The following HSPA9 variants were observed in gnomAD, a reference collection of about 807,000 sequenced individuals.
The protein encoded by HSPA9 is stress-70 protein, mitochondrial.
A neutral mutation model predicts 81.5 loss-of-function variants in HSPA9; 28 were observed. The ratio of observed to expected loss-of-function variants is 0.34; its 90% CI spans 0.25 to 0.47. The LOEUF (loss-of-function observed/expected upper bound fraction) is 0.47, where lower values mean the gene tolerates loss of function less well. Ranked by LOEUF, HSPA9 falls within the 20% of genes least tolerant of loss-of-function variation. HSPA9 has a pLI of 1.00. For missense variants in HSPA9, 678 were observed against 838.0 expected, an observed-to-expected ratio of 0.81 and a Z score of 2.36; for synonymous variants, 293 against 290.4, an observed-to-expected ratio of 1.01 and a Z score of -0.09.
intron 4 of HSPA9, among the ~76,000 whole-genome samples, chr5:138,569,788 G>C (rs1750839029): frequency 2.0e-5 from 3 of 152,130 alleles, no homozygotes. Flanking sequence ...CTCAGCCTCA[G>C]ACAGTCTTTC....
Position 138,556,516 on chromosome 5 carries a change from A to G in HSPA9, c.1898T>C (p.Ile633Thr), listed in dbSNP as rs757761500. 5.0e-6 allele frequency: 8 copies of G among 1,614,084 alleles called. No homozygotes were observed. In the East Asian group the frequency reaches 1.3e-4, roughly 27 times the overall value. The change falls in exon 16 of 17, where the codon ATT becomes ACT. Residue 633 changes from isoleucine to threonine, a missense_variant. Ile to Thr is a moderately conservative substitution (Grantham distance 89). This residue lies in a region of HSPA9 where 100 missense variants were observed against 99.5 expected (regional missense o/e 1.00). Coordinates refer to ENST00000297185, the MANE Select transcript of HSPA9 (RefSeq NM_004134.7). ...ARKDSETGEN[I>T]RQAASSLQQA... ...CTGAAGAGAGGATGCTGCCTGTCTA[A>G]TATTTTCTCCTGTTTCGCTGTCTTT...
At chr5:138,569,624 A>G (rs1293388250) in intron 4 of HSPA9, among the ~76,000 whole-genome samples, 1 of 151,798 alleles carries the variant, frequency 6.6e-6, no homozygotes, top group Non-Finnish European at 1.5e-5. Flanking sequence ...AAGTGAAAGA[A>G]GCCAGTCATA....
chr5:138,556,766 G>A lies in HSPA9; in HGVS notation c.1821+8C>T. The A allele has an allele frequency of 6.2e-7, 1 of 1,602,412 alleles. No individual in the cohort carries two copies. The highest frequency in any genetic ancestry group is 2.2e-5 in the East Asian group (1 of 44,792). ...CAACCTCTTGAGTTACTTTAAAATA[G>A]AACTCACCTCATCAGCAGGTAATTG... On this transcript the variant is annotated splice_region_variant and intron_variant, in intron 15 of 16. Coordinates refer to ENST00000297185, the MANE Select transcript of HSPA9 (RefSeq NM_004134.7).
At chr5:138,560,908 A>AT (rs10652442) in intron 10 of HSPA9, 112,666 of 334,430 alleles carry the variant, frequency 0.34, 12,949 homozygotes, top group East Asian at 0.57. Flanking sequence ...TTCCAGGTTC[A>AT]TTTTTTTTTT....
chr5:138,561,902 G>C, intron 9 of HSPA9, 113 bp from the exon 10 acceptor site: 1 of 808,052 alleles, frequency 1.2e-6, no homozygotes, highest in Non-Finnish European at 2.2e-6. Context: ...CAAAACCAAA[G>C]GGAGGGTGAG....
intron 13 of HSPA9, 28 bp downstream of exon 13, chr5:138,557,829 CTCACCTCACTCT>C (rs755793935): frequency 4.0e-6 from 5 of 1,244,826 alleles, no homozygotes; most frequent in Non-Finnish European, 5.9e-6. Context: ...CAAGACCTCC[CTCACCTCACTCT>C]TAGGGTCTGA....
chr5:138,567,178 T>C lies in HSPA9; in HGVS notation c.717-15A>G. 1 of 1,543,634 alleles carries C rather than the reference T, an allele frequency of 6.5e-7. No individual in the cohort carries two copies. The highest frequency in any genetic ancestry group is 8.7e-7 in the Non-Finnish European group (1 of 1,154,804). On this transcript the variant is annotated splice_polypyrimidine_tract_variant and intron_variant, in intron 7 of 16. Coordinates refer to ENST00000297185, the MANE Select transcript of HSPA9 (RefSeq NM_004134.7). ...ATACAGCAATGCTGTAAATGATTTG[T>C]GAAAAAAAAAAGAAAAGAAATCCTT... is the stretch of plus-strand genomic sequence containing the variant.
At chr5:138,560,169 A>C (rs1201249289) in intron 10 of HSPA9, 78 bp from the exon 11 acceptor site, 2 of 967,014 alleles carry the variant, frequency 2.1e-6, no homozygotes, top group Admixed American at 3.9e-5. Context: ...CACGTGTCCT[A>C]CGCTCCCAGC....
chr5:138,560,626 TCTCCACTCACCGCAAG>T lies in HSPA9; in HGVS notation c.1183-551_1183-536del, dbSNP rs537881121. On this transcript the variant is annotated intron_variant, in intron 10 of 16. Coordinates refer to ENST00000297185, the MANE Select transcript of HSPA9 (RefSeq NM_004134.7). ...CTCAGGCTGGAGTGCGGTGGCGCAATCTCCACTCACCGCAAGCTCCACCTCCTGCGTTCACGCCATT... is the reference window on the plus strand; with the variant it reads ...CTCAGGCTGGAGTGCGGTGGCGCAATCTCCACCTCCTGCGTTCACGCCATT... 3.0e-3 allele frequency among the ~76,000 whole-genome samples: 449 copies of T among 151,214 alleles called. 4 individuals carry two copies. The highest frequency in any genetic ancestry group is 0.014 in the Middle Eastern group (4 of 290).
rs773446267 is a variant in HSPA9, at chr5:138,575,344, C to A, written c.-26G>T. 1.3e-6 allele frequency: 2 copies of A among 1,593,426 alleles called. No individual in the cohort carries two copies. The highest frequency in any genetic ancestry group is 1.1e-5 in the South Asian group (1 of 90,030). ...GGCGGATAAATGGAGGAGTACGAGG[C>A]AGCAAACAAGCGCTCCGACGGCAAA... On this transcript the variant is annotated 5_prime_UTR_variant, in exon 1 of 17. Coordinates refer to ENST00000297185, the MANE Select transcript of HSPA9 (RefSeq NM_004134.7).
At chr5:138,560,715 A>T in intron 10 of HSPA9, 1 of 237,336 alleles carries the variant, frequency 4.2e-6, no homozygotes, top group South Asian at 4.3e-5. Context: ...CGCCCACCAA[A>T]TTTTTTATAT....
At chr5:138,557,371 G>A (rs1750551078) in intron 14 of HSPA9, 31 bp downstream of exon 14, 5 of 1,437,498 alleles carry the variant, frequency 3.5e-6, no homozygotes, top group Non-Finnish European at 4.9e-6. Flanking sequence ...GCTTTACTAA[G>A]ATTAAAGTTC....
At chr5:138,556,650 A>G in intron 15 of HSPA9, 58 bp from the exon 16 acceptor site, 1 of 1,589,328 alleles carries the variant, frequency 6.3e-7, no homozygotes, top group Non-Finnish European at 8.6e-7. Flanking sequence ...CATTACAAGT[A>G]GAAGTACTAT....
Position 138,563,741 on chromosome 5 carries a change from C to T in HSPA9, c.973-1952G>A, listed in dbSNP as rs188867592. 2.0e-3 allele frequency among the ~76,000 whole-genome samples: 306 copies of T among 152,340 alleles called. 2 individuals are homozygous for T. The highest frequency in any genetic ancestry group is 6.9e-3 in the African/African-American group (286 of 41,580). ...AATCTTTTGGCTTCCTTGGGCCACA[C>T]ATAAAATACATTAACACTAACAATA... On this transcript the variant is annotated intron_variant, in intron 9 of 16. Transcript: ENST00000297185.
At position 138,575,376 on chromosome 5, in the gene HSPA9, C is replaced by G; in HGVS notation, c.-58G>C. 2 of 1,425,628 alleles carry G rather than the reference C, an allele frequency of 1.4e-6. No homozygotes were observed. The highest frequency in any genetic ancestry group is 2.0e-6 in the Non-Finnish European group (2 of 1,015,544). 88.3% of individuals were successfully genotyped at this position (1,425,628 alleles called of 1,614,324 possible). ...CAAGCGCTCCGACGGCAAAGAGCTG[C>G]GCGATGCGGTGGCGGCAGCGCTTCT... On this transcript the variant is annotated 5_prime_UTR_variant, in exon 1 of 17. Transcript: ENST00000297185.
chr5:138,557,169 A>C, intron 14 of HSPA9: 1 of 612,462 alleles, frequency 1.6e-6, no homozygotes, highest in South Asian at 2.0e-5. Context: ...ACAACCTATG[A>C]CATGTCCAAA....
chr5:138,562,543 C>T (rs1355033988), intron 9 of HSPA9, among the ~76,000 whole-genome samples: 2 of 151,880 alleles, frequency 1.3e-5, no homozygotes, highest in Non-Finnish European at 2.9e-5. Context: ...AAGAGTGAAA[C>T]TCCGTCTCAA....
chr5:138,566,529 C>A, intron 9 of HSPA9, 97 bp downstream of exon 9: 1 of 912,200 alleles, frequency 1.1e-6, no homozygotes, highest in Non-Finnish European at 1.8e-6. Context: ...ACAAAAAAAA[C>A]TCAACTGACA....
chr5:138,553,839 G>T lies in HSPA9; in HGVS notation c.*2198C>A, dbSNP rs148065389. Reference sequence around the variant, plus strand: ...CGGGTTAAACATTTGTCTCTCTCCAGAAGAGATTAGTATTGAATTGGAGAT... The same window carrying T: ...CGGGTTAAACATTTGTCTCTCTCCATAAGAGATTAGTATTGAATTGGAGAT... On this transcript the variant is annotated 3_prime_UTR_variant, in exon 17 of 17. Transcript: ENST00000297185. 9.9e-5 allele frequency among the ~76,000 whole-genome samples: 15 copies of T among 152,268 alleles called. No homozygotes were observed. The highest frequency in any genetic ancestry group is 3.6e-4 in the African/African-American group (15 of 41,538).
Sources: gnomAD v4.1 joint callset for allele counts (sites outside exome capture counted in the v4.1 genomes callset) on GRCh38, gnomAD v4.1.1 for gene constraint, gnomAD v4.1.1 regional missense constraint, MANE v1.5 for transcripts, NCBI Gene and HGNC (gene_info 2026-07-23, HGNC 2026-07-21) for gene names.